The following LMO7 variants were observed in gnomAD, a reference collection of about 807,000 sequenced individuals.
The protein encoded by LMO7 is LIM domain 7, also known as LIM domain only protein 7.
A neutral mutation model predicts 206.5 loss-of-function variants in LMO7; 120 were observed. The observed-to-expected ratio is 0.58, with a 90% confidence interval of 0.50 to 0.68. The LOEUF is 0.68. LMO7 is among the 30% of genes least tolerant of loss of function. The pLI is 0.00. For missense variants in LMO7, 1,959 were observed against 1,957.9 expected, an observed-to-expected ratio of 1.00 and a Z score of -0.01; for synonymous variants, 706 against 681.5, an observed-to-expected ratio of 1.04 and a Z score of -0.56.
upstream of LMO7, among the ~76,000 whole-genome samples, chr13:75,633,643 C>A (rs2035301762): frequency 6.6e-6 from 1 of 151,954 alleles, no homozygotes; most frequent in African/African-American, 2.4e-5. Flanking sequence ...GAGGAGGAGT[C>A]TCTTTTGGGT....
At position 75,840,416 on chromosome 13, in the gene LMO7, C is replaced by G. The variant is rs774048028; in HGVS notation, c.3503C>G (p.Pro1168Arg). The stretch of plus-strand genomic sequence containing the variant: ...CTTCCAGTTCCAACCATCAGTGCCC[C>G]GAGTCGCTGGGTGTGGGATCAAGAG... ...PDLPVPTISA[P>R]SRWVWDQEEE... The change falls in exon 22 of 31, where the codon CCG becomes CGG. Residue 1168 changes from proline (P) to arginine (R), a missense_variant. Coordinates refer to ENST00000377534, the MANE Select transcript of LMO7 (RefSeq NM_001306080.2). 1 of 1,613,990 alleles carries G rather than the reference C, an allele frequency of 6.2e-7. No individual in the cohort carries two copies.
intron 10 of LMO7, 104 bp from the exon 11 acceptor site, chr13:75,809,050 T>A: frequency 1.2e-6 from 1 of 834,562 alleles, no homozygotes; most frequent in Non-Finnish European, 2.1e-6. Context: ...CTTTTGAGAT[T>A]TGTCCGTCTC....
At chr13:75,639,641 C>G (rs2036315098) in intron 1 of LMO7, among the ~76,000 whole-genome samples, 2 of 152,190 alleles carry the variant, frequency 1.3e-5, no homozygotes, top group South Asian at 2.1e-4. Flanking sequence ...CTAATAGTTG[C>G]CTTTGTCTCT....
chr13:75,834,680 T>C (rs1283912524), intron 17 of LMO7, among the ~76,000 whole-genome samples: 1 of 152,202 alleles, frequency 6.6e-6, no homozygotes, highest in East Asian at 1.9e-4. Context: ...AGGAGTTATT[T>C]ATAATAATAT....
chr13:75,709,895 T>C (rs539667342), intron 1 of LMO7, among the ~76,000 whole-genome samples: 1 of 152,206 alleles, frequency 6.6e-6, no homozygotes, highest in Non-Finnish European at 1.5e-5. Flanking sequence ...CTGAATGGTA[T>C]TGCCTAGGTT....
chr13:75,813,842 A>T (rs1193621954), intron 11 of LMO7, among the ~76,000 whole-genome samples: 6 of 152,198 alleles, frequency 3.9e-5, no homozygotes, highest in African/African-American at 1.4e-4. Context: ...CCATCAAAAG[A>T]TTATTAAAAT....
chr13:75,859,483 T>C lies in LMO7; in HGVS notation c.*1540T>C, dbSNP rs2061156918. ...TCATGGTTGCATAGTGCTCCATTGT[T>C]TGGCCTTGGTAATATTTAGTTGATA... is the stretch of plus-strand genomic sequence containing the variant. On this transcript the variant is annotated 3_prime_UTR_variant, in exon 31 of 31. Coordinates refer to ENST00000377534, the MANE Select transcript of LMO7 (RefSeq NM_001306080.2). 2 of 152,238 alleles carry C rather than the reference T, an allele frequency of 1.3e-5. No homozygotes were observed. The highest frequency in any genetic ancestry group is 4.8e-5 in the African/African-American group (2 of 41,460). 9.4% of individuals were successfully genotyped at this position (152,238 alleles called of 1,614,324 possible). A position where few individuals can be genotyped will look rare whatever the true frequency, so the allele number is the denominator to read the frequency against.
chr13:75,847,788 A>AT, intron 26 of LMO7, among the ~76,000 whole-genome samples: 2 of 152,110 alleles, frequency 1.3e-5, no homozygotes, highest in Middle Eastern at 6.8e-3. Flanking sequence ...AGCCTTTTTC[A>AT]TTTTCCCAAG....
At chr13:75,621,867 A>C (rs867193596) in exon 1 of LMO7, 1 of 1,586,820 alleles carries the variant, frequency 6.3e-7, no homozygotes. Context: ...GCAGCAAAAA[A>C]GGTAATAATA....
At chr13:75,644,629 A>G (rs2036852679) in intron 1 of LMO7, among the ~76,000 whole-genome samples, 1 of 152,132 alleles carries the variant, frequency 6.6e-6, no homozygotes, top group African/African-American at 2.4e-5. Flanking sequence ...GCCAACAGAT[A>G]TATTTTTTTC....
rs74935204 is a variant in LMO7, at chr13:75,697,106, T to C, written c.70-16076T>C. 5.9e-5 allele frequency among the ~76,000 whole-genome samples: 9 copies of C among 152,176 alleles called. No homozygotes were observed. In the East Asian group the frequency reaches 1.7e-3, roughly 29 times the overall value. On this transcript the variant is annotated intron_variant, in intron 1 of 30. Transcript: ENST00000377534. ...TCAGTAAGGGAGCCATGAATGCCAA[T>C]ACACATTCAGATTGGCATGAGGAGA... is the stretch of plus-strand genomic sequence containing the variant.
intron 3 of LMO7, among the ~76,000 whole-genome samples, chr13:75,739,496 C>T (rs1177061865): frequency 6.6e-6 from 1 of 152,186 alleles, no homozygotes; most frequent in African/African-American, 2.4e-5. Context: ...TGTCAGTTTC[C>T]CTTGCCTTCA....
At chr13:75,844,062 A>G (rs7997504) in intron 25 of LMO7, among the ~76,000 whole-genome samples, 17,101 of 152,218 alleles carry the variant, frequency 0.11, 1,279 homozygotes, top group African/African-American at 0.21. Context: ...ATTTACAAAA[A>G]CTTTATTTAT....
intron 1 of LMO7, among the ~76,000 whole-genome samples, chr13:75,684,928 C>T (rs1405349482): frequency 6.6e-6 from 1 of 152,166 alleles, no homozygotes; most frequent in African/African-American, 2.4e-5. Flanking sequence ...TAGTGATTTA[C>T]ACTTATGCCA....
chr13:75,797,931 A>G (rs974468253), intron 6 of LMO7, among the ~76,000 whole-genome samples: 15 of 152,264 alleles, frequency 9.9e-5, no homozygotes, highest in Non-Finnish European at 2.2e-4. Flanking sequence ...ACGTAACCTC[A>G]TAAAGCACAA....
At position 75,817,216 on chromosome 13, in the gene LMO7, C is replaced by A. The variant is rs147322352; in HGVS notation, c.2002C>A (p.Arg668Ser). 1 of 1,613,420 alleles carries A rather than the reference C, an allele frequency of 6.2e-7. No homozygotes were observed. The highest frequency in any genetic ancestry group is 1.3e-5 in the African/African-American group (1 of 74,850). The change falls in exon 12 of 31, where the codon CGT (arginine) becomes AGT (serine). Residue 668 changes from arginine (R) to serine (S), a missense_variant. By Grantham distance (110) the Arg-to-Ser change is moderately radical. Transcript: ENST00000377534. Reference protein sequence around the residue: ...AEDVQNLRQLRYEEMQKIKSQ... With the variant: ...AEDVQNLRQLSYEEMQKIKSQ... ...AGATGTTCAAAACTTGCGTCAGCTG[C>A]GTTACGAGGAGATGCAGAAAATAAA... is the stretch of plus-strand genomic sequence containing the variant.
intron 1 of LMO7, among the ~76,000 whole-genome samples, chr13:75,641,462 G>A (rs1439848573): frequency 2.0e-5 from 3 of 152,136 alleles, no homozygotes; most frequent in Non-Finnish European, 4.4e-5. Flanking sequence ...ATATGCCCAA[G>A]TCACCAGAAC....
chr13:75,666,270 A>G lies in LMO7; in HGVS notation c.69+29544A>G, dbSNP rs564067693. On this transcript the variant is annotated intron_variant, in intron 1 of 30. Coordinates refer to ENST00000377534, the MANE Select transcript of LMO7 (RefSeq NM_001306080.2). ...TTATTTACAGCCTACTGTTCAACGC[A>G]TCAGTTGTGATTTTTCACAAAAGTA... 3.3e-5 allele frequency among the ~76,000 whole-genome samples: 5 copies of G among 152,344 alleles called. No individual in the cohort carries two copies. In the East Asian group the frequency reaches 9.6e-4, roughly 29 times the overall value.
intron 1 of LMO7, among the ~76,000 whole-genome samples, chr13:75,711,261 T>G (rs1398973278): frequency 6.6e-6 from 1 of 151,976 alleles, no homozygotes; most frequent in African/African-American, 2.4e-5. Context: ...TAAAATTCTC[T>G]TTTTTGGTTG....
Sources: gnomAD v4.1 joint callset for allele counts (sites outside exome capture counted in the v4.1 genomes callset) on GRCh38, gnomAD v4.1.1 for gene constraint, MANE v1.5 for transcripts, NCBI Gene and HGNC (gene_info 2026-07-23, HGNC 2026-07-21) for gene names.